The following SNTG1 variants were observed in gnomAD, a reference collection of about 807,000 sequenced individuals.
SNTG1 encodes syntrophin gamma 1.
In SNTG1, 39 loss-of-function variants were observed where a neutral mutation model predicts 74.7. That is an observed-to-expected ratio of 0.52 (90% CI 0.40 to 0.68). The LOEUF (loss-of-function observed/expected upper bound fraction) is 0.68, where lower values mean the gene tolerates loss of function less well. Among genes scored for constraint, SNTG1 ranks in the 30% least tolerant of loss-of-function variants. The pLI, the probability that SNTG1 is intolerant of heterozygous loss-of-function variation, is 0.00. For synonymous variants in SNTG1, 254 were observed against 217.1 expected (o/e 1.17, Z -1.49); for missense variants, 685 against 609.5 (o/e 1.12, Z -1.30).
At chr8:50,401,996 T>C (rs1301679400) in intron 3 of SNTG1, among the ~76,000 whole-genome samples, 1 of 152,186 alleles carries the variant, frequency 6.6e-6, no homozygotes, top group African/African-American at 2.4e-5. Flanking sequence ...TTTTGTGACA[T>C]TGTTTTCATT....
intron 1 of SNTG1, among the ~76,000 whole-genome samples, chr8:50,161,752 A>T (rs1459210828): frequency 6.6e-6 from 1 of 152,176 alleles, no homozygotes; most frequent in Non-Finnish European, 1.5e-5. Flanking sequence ...TATGGAAGAA[A>T]CAGAAAAGAA....
chr8:49,946,424 G>A (rs1021530045), intron 1 of SNTG1, among the ~76,000 whole-genome samples: 1 of 152,166 alleles, frequency 6.6e-6, no homozygotes, highest in Non-Finnish European at 1.5e-5. Context: ...GTATGGTGGT[G>A]GGATATATAC....
At chr8:50,501,217 G>T (rs2093949313) in intron 8 of SNTG1, among the ~76,000 whole-genome samples, 2 of 151,940 alleles carry the variant, frequency 1.3e-5, no homozygotes, top group Admixed American at 1.3e-4. Flanking sequence ...TAATGATGGG[G>T]CTGAGAAAGT....
At chr8:50,608,215 A>G (rs1353761606) in intron 13 of SNTG1, among the ~76,000 whole-genome samples, 1 of 151,730 alleles carries the variant, frequency 6.6e-6, no homozygotes, top group Non-Finnish European at 1.5e-5. Flanking sequence ...AAGTATGTCA[A>G]ACTGACTGAT....
At chr8:50,236,851 G>C (rs1384622487) in intron 2 of SNTG1, among the ~76,000 whole-genome samples, 4 of 152,056 alleles carry the variant, frequency 2.6e-5, no homozygotes, top group Admixed American at 2.0e-4. Context: ...CATGTTGTCA[G>C]TTTTGTTTCT....
At chr8:50,187,038 C>T (rs1299043292) in intron 2 of SNTG1, among the ~76,000 whole-genome samples, 3 of 151,998 alleles carry the variant, frequency 2.0e-5, no homozygotes, top group Non-Finnish European at 2.9e-5. Flanking sequence ...AGTCTTTAAT[C>T]CATCTTGAGT....
Position 50,438,536 on chromosome 8 carries a change from C to A in SNTG1, c.163-7C>A. On this transcript the variant is annotated splice_polypyrimidine_tract_variant and splice_region_variant and intron_variant, in intron 4 of 18. Coordinates refer to ENST00000642720, the MANE Select transcript of SNTG1 (RefSeq NM_018967.5). ...CACTAACCATTCTTAAAAATCCTGT[C>A]TTTCAGGAAAGAACGGTGACCATCA... 1 of 1,612,394 alleles carries A rather than the reference C, an allele frequency of 6.2e-7. No individual in the cohort carries two copies. Among genetic ancestry groups the A allele is most frequent in the South Asian group, 1.1e-5 (1 of 91,030 alleles).
intron 17 of SNTG1, among the ~76,000 whole-genome samples, chr8:50,739,272 C>T (rs778207436): frequency 6.6e-6 from 1 of 151,822 alleles, no homozygotes; most frequent in Non-Finnish European, 1.5e-5. Flanking sequence ...CAGACACTCT[C>T]AAAAAAAGAC....
intron 1 of SNTG1, among the ~76,000 whole-genome samples, chr8:50,050,846 A>G (rs1819507282): frequency 1.3e-5 from 2 of 152,116 alleles, no homozygotes; most frequent in South Asian, 4.1e-4. Context: ...GTATTTATCC[A>G]GGAGTGTAAT....
At chr8:50,620,068 G>A (rs1008046660) in intron 13 of SNTG1, among the ~76,000 whole-genome samples, 4 of 152,224 alleles carry the variant, frequency 2.6e-5, no homozygotes, top group Middle Eastern at 3.4e-3. Flanking sequence ...CCAGGTGTGG[G>A]CAGGCTGTGC....
chr8:50,216,202 A>G (rs1184806150), intron 2 of SNTG1, among the ~76,000 whole-genome samples: 3 of 152,152 alleles, frequency 2.0e-5, no homozygotes. Flanking sequence ...AAAAGCCACA[A>G]AAGGATAGGA....
intron 1 of SNTG1, among the ~76,000 whole-genome samples, chr8:50,048,364 AC>A (rs1269156494): frequency 6.6e-6 from 1 of 152,174 alleles, no homozygotes; most frequent in Non-Finnish European, 1.5e-5. Context: ...AAATCTGACA[AC>A]TTGTCTTTAC....
At chr8:49,953,687 T>A (rs1563389898) in intron 1 of SNTG1, among the ~76,000 whole-genome samples, 1 of 152,232 alleles carries the variant, frequency 6.6e-6, no homozygotes, top group African/African-American at 2.4e-5. Flanking sequence ...CCTGAGACAC[T>A]GGAAATTTGC....
At chr8:50,754,656 T>G (rs1019139395) in intron 18 of SNTG1, among the ~76,000 whole-genome samples, 1 of 152,046 alleles carries the variant, frequency 6.6e-6, no homozygotes, top group Admixed American at 6.6e-5. Context: ...TGGTCTGTAA[T>G]CCATTCAATG....
rs375540100 is a variant in SNTG1, at chr8:50,631,521, A to G, written c.850-25388A>G. ...GACCTCATCAAATTAACAGTGAATG[A>G]CTCTGAATCGCAAAACCAAAGGACT... is the stretch of plus-strand genomic sequence containing the variant. On this transcript the variant is annotated intron_variant, in intron 13 of 18. Coordinates refer to ENST00000642720, the MANE Select transcript of SNTG1 (RefSeq NM_018967.5). Among the ~76,000 whole-genome samples, 296 of 152,260 alleles carry G rather than the reference A, an allele frequency of 1.9e-3. 1 individual carries two copies. The highest frequency in any genetic ancestry group is 3.6e-3 in the Non-Finnish European group (242 of 68,010).
intron 1 of SNTG1, among the ~76,000 whole-genome samples, chr8:49,922,848 T>TA (rs1563351002): frequency 6.6e-6 from 1 of 152,094 alleles, no homozygotes; most frequent in Non-Finnish European, 1.5e-5. Context: ...TTCTGTCAAC[T>TA]AAAAAAATCA....
chr8:50,601,638 T>G (rs2094776061), intron 13 of SNTG1, among the ~76,000 whole-genome samples: 1 of 152,210 alleles, frequency 6.6e-6, no homozygotes, highest in South Asian at 2.1e-4. Context: ...ATTAGGTTCA[T>G]TTGTTCTAAA....
chr8:50,681,889 T>C (rs2095332305), intron 15 of SNTG1, among the ~76,000 whole-genome samples: 2 of 152,196 alleles, frequency 1.3e-5, no homozygotes, highest in African/African-American at 2.4e-5. Flanking sequence ...CAACATGTCC[T>C]CTGACTCTGC....
intron 1 of SNTG1, among the ~76,000 whole-genome samples, chr8:49,967,951 A>G (rs1486371573): frequency 6.6e-6 from 1 of 152,216 alleles, no homozygotes; most frequent in South Asian, 2.1e-4. Flanking sequence ...CTACACAGAT[A>G]CAAGAGCGAG....
Sources: allele counts gnomAD v4.1 joint callset (sites outside exome capture counted in the v4.1 genomes callset), GRCh38; gene constraint gnomAD v4.1.1; transcripts MANE v1.5; gene names NCBI Gene and HGNC (gene_info 2026-07-23, HGNC 2026-07-21).